Variants in COLEC11 observed in about 807,000 individuals in gnomAD.
COLEC11 encodes the protein collectin subfamily member 11, also known as collectin-11.
Under a neutral mutation model 27.3 loss-of-function variants are expected in COLEC11, and 20 were observed. The ratio of observed to expected loss-of-function variants is 0.73; its 90% CI spans 0.51 to 1.06. The LOEUF is 1.06. Ranked by LOEUF, COLEC11 falls within the 50% of genes least tolerant of loss-of-function variation. The pLI is 0.00. For synonymous variants in COLEC11, 163 were observed against 154.7 expected (o/e 1.05, Z -0.40); for missense variants, 310 against 383.0 (o/e 0.81, Z 1.59).
In COLEC11 at chr2:3,643,523, C is replaced by T. The variant is rs773675344; in HGVS notation, c.408C>T (p.Leu136=). The T allele has an allele frequency of 1.9e-6, 3 of 1,613,816 alleles. No homozygotes were observed. Among genetic ancestry groups the T allele is most frequent in the Non-Finnish European group, 2.5e-6 (3 of 1,179,912 alleles). The change falls in exon 6 of 7, where the codon CTC becomes CTT. Residue 136 remains leucine, a synonymous_variant. Coordinates refer to ENST00000349077, the MANE Select transcript of COLEC11 (RefSeq NM_024027.5). The stretch of plus-strand genomic sequence containing the variant: ...AGGTCTCTCAGCTGACCAGCGAGCT[C>T]AAGTTCATCAAGAATGGTATGTGGC... ...DNQVSQLTSE[L]KFIKNAVAGV...
intron 1 of COLEC11, among the ~76,000 whole-genome samples, chr2:3,598,750 C>T (rs866553388): frequency 2.0e-5 from 3 of 150,984 alleles, no homozygotes; most frequent in East Asian, 1.9e-4. Flanking sequence ...GGAGGCGGGC[C>T]GTGGGTGCGG....
intron 3 of COLEC11, among the ~76,000 whole-genome samples, chr2:3,636,944 G>A (rs1170082348): frequency 6.6e-6 from 1 of 152,204 alleles, no homozygotes; most frequent in East Asian, 1.9e-4. Context: ...GGGGACAGGG[G>A]CCAGCAGGTC....
intron 3 of COLEC11, among the ~76,000 whole-genome samples, chr2:3,635,140 C>T (rs1342457193): frequency 2.4e-5 from 3 of 125,300 alleles, no homozygotes; most frequent in African/African-American, 5.9e-5. Context: ...CCTCTCCCAA[C>T]GTGCCCCGTG....
intron 3 of COLEC11, among the ~76,000 whole-genome samples, chr2:3,620,562 G>T (rs539016096): frequency 1.3e-5 from 2 of 151,268 alleles, no homozygotes; most frequent in Admixed American, 1.3e-4. Flanking sequence ...TCTGATCTTC[G>T]TTATTTCCTT....
At chr2:3,643,341 C>T (rs1243177468) in intron 5 of COLEC11, 103 bp from the exon 6 acceptor site, 10 of 980,924 alleles carry the variant, frequency 1.0e-5, no homozygotes, top group Non-Finnish European at 1.6e-5. Context: ...CCGTGGGGCA[C>T]GTTTGTTGAG....
rs945291681 is a variant in COLEC11 at position 3,600,579 on chromosome 2, G to A, written c.-26-3736G>A. On this transcript the variant is annotated intron_variant, in intron 1 of 6. Coordinates refer to ENST00000349077, the MANE Select transcript of COLEC11 (RefSeq NM_024027.5). ...ACGTGACAGAATATGGTTTAAGAAC[G>A]CATAATGTGTAGGAATCCTGCTTAA... is the stretch of plus-strand genomic sequence containing the variant. Among the ~76,000 whole-genome samples, 16 of 152,276 alleles carry A rather than the reference G, an allele frequency of 1.1e-4. No individual in the cohort carries two copies. In the East Asian group the frequency reaches 2.3e-3, roughly 22 times the overall value.
chr2:3,595,345 T>C (rs1294666386), intron 1 of COLEC11, among the ~76,000 whole-genome samples, 177 bp downstream of exon 1: 2 of 152,164 alleles, frequency 1.3e-5, no homozygotes, highest in Non-Finnish European at 2.9e-5. Flanking sequence ...GGCACCAGAG[T>C]TCCAAAGTTT....
chr2:3,604,553 G>T, intron 2 of COLEC11, 83 bp downstream of exon 2: 1 of 1,483,776 alleles, frequency 6.7e-7, no homozygotes, highest in African/African-American at 1.4e-5. Flanking sequence ...GCAGTTCCAC[G>T]GAAAAGCACA....
Position 3,595,184 on chromosome 2 carries a change from C to T in COLEC11, c.-27+16C>T, listed in dbSNP as rs1329430627. 1.6e-5 allele frequency: 5 copies of T among 315,812 alleles called. No homozygotes were observed. Among genetic ancestry groups the T allele is most frequent in the East Asian group, 2.0e-4 (2 of 10,212 alleles). The allele number at this position is 315,812 out of a possible 1,614,324, so 19.6% of individuals were successfully genotyped here. On this transcript the variant is annotated intron_variant, in intron 1 of 6. Transcript: ENST00000349077. ...GCGTGCTCAGGTAGGAGACTCTGCC[C>T]GGGGCTGCAGCTGAGGGTTTCACGG... is the stretch of plus-strand genomic sequence containing the variant.
At chr2:3,606,293 T>G (rs960825638) in intron 2 of COLEC11, 59 of 1,492,304 alleles carry the variant, frequency 4.0e-5, no homozygotes, top group Non-Finnish European at 5.1e-5. Flanking sequence ...CAGGGTCCTT[T>G]CTGGGCGCCG....
chr2:3,639,058 A>G (rs1162926457), intron 4 of COLEC11, among the ~76,000 whole-genome samples: 1 of 152,170 alleles, frequency 6.6e-6, no homozygotes, highest in Non-Finnish European at 1.5e-5. Context: ...TGGAATAACA[A>G]TGTTTGTCCT....
Position 3,643,338 on chromosome 2 carries a change from G to A in COLEC11, c.329-106G>A, listed in dbSNP as rs553817546. The A allele has an allele frequency of 8.2e-5, 77 of 941,414 alleles. No individual in the cohort carries two copies. The East Asian group carries it at 1.8e-3, about 22-fold the overall frequency. The allele number at this position is 941,414 out of a possible 1,614,324, so 58.3% of individuals were successfully genotyped here. A position where few individuals can be genotyped will look rare whatever the true frequency, so the allele number is the denominator to read the frequency against. On this transcript the variant is annotated intron_variant, in intron 5 of 6. Coordinates refer to ENST00000349077, the MANE Select transcript of COLEC11 (RefSeq NM_024027.5). ...TATTGCGGCCTCAAAGGCCCGTGGG[G>A]CACGTTTGTTGAGTAAAATGTGCAT... is the stretch of plus-strand genomic sequence containing the variant.
chr2:3,601,617 C>T (rs564581951), intron 1 of COLEC11, among the ~76,000 whole-genome samples: 8 of 152,174 alleles, frequency 5.3e-5, no homozygotes, highest in South Asian at 2.1e-4. Flanking sequence ...TTTTTTCCCC[C>T]GAGCCATTCT....
chr2:3,617,709 C>T lies in COLEC11; in HGVS notation c.202+4327C>T, dbSNP rs575818863. On this transcript the variant is annotated intron_variant, in intron 3 of 6. Transcript: ENST00000349077. ...GTTGTGGAGGAAAAGCGGAGCGAGG[C>T]GTGCGAGAACGAGAGAAGTCTGGTC... is the stretch of plus-strand genomic sequence containing the variant. 6.8e-5 allele frequency: 107 copies of T among 1,583,146 alleles called. No individual in the cohort carries two copies. The African/African-American group carries it at 1.3e-3, about 19-fold the overall frequency.
chr2:3,640,461 C>T lies in COLEC11; in HGVS notation c.328+130C>T, dbSNP rs565942916. 1.0e-4 allele frequency: 70 copies of T among 680,820 alleles called. No individual in the cohort carries two copies. In the South Asian group the frequency reaches 1.1e-3, roughly 11 times the overall value. 42.2% of individuals were successfully genotyped at this position (680,820 alleles called of 1,614,324 possible). On this transcript the variant is annotated intron_variant, in intron 5 of 6. Transcript: ENST00000349077. ...CCCTGTCACATCCCACAGTGGACAC[C>T]CACCCCCGTCACATCCCACAGTGGA...
At chr2:3,603,975 G>A (rs1000780396) in intron 1 of COLEC11, 8 of 565,338 alleles carry the variant, frequency 1.4e-5, no homozygotes, top group South Asian at 6.7e-5. Context: ...GGCTGGCTAT[G>A]CTGTGTGGAG....
chr2:3,633,496 CA>C (rs1206584725), intron 3 of COLEC11, among the ~76,000 whole-genome samples: 1 of 152,186 alleles, frequency 6.6e-6, no homozygotes, highest in Non-Finnish European at 1.5e-5. Flanking sequence ...GTGTGGGACC[CA>C]GTCCCTGCCA....
chr2:3,601,085 T>C (rs1422135115), intron 1 of COLEC11, among the ~76,000 whole-genome samples: 1 of 152,170 alleles, frequency 6.6e-6, no homozygotes, highest in East Asian at 1.9e-4. Flanking sequence ...TCTTGTAGGA[T>C]GTTTGAAGAA....
intron 2 of COLEC11, among the ~76,000 whole-genome samples, chr2:3,610,454 G>C (rs766381171): frequency 2.6e-5 from 4 of 152,168 alleles, no homozygotes; most frequent in Non-Finnish European, 5.9e-5. Flanking sequence ...TCAGCCAGTG[G>C]GAGAAAGAGC....
Sources: gnomAD v4.1 joint callset for allele counts (sites outside exome capture counted in the v4.1 genomes callset) on GRCh38, gnomAD v4.1.1 for gene constraint, MANE v1.5 for transcripts, NCBI Gene and HGNC (gene_info 2026-07-23, HGNC 2026-07-21) for gene names.